The following DNAJB2 variants were observed in gnomAD, a reference collection of about 807,000 sequenced individuals.
DNAJB2 encodes DnaJ heat shock protein family (Hsp40) member B2.
Under a neutral mutation model 33.3 loss-of-function variants are expected in DNAJB2, and 19 were observed. That is an observed-to-expected ratio of 0.57 (90% CI 0.40 to 0.84). The LOEUF (loss-of-function observed/expected upper bound fraction) is 0.84. Ranked by LOEUF, DNAJB2 falls within the 40% of genes least tolerant of loss-of-function variation. The probability of loss-of-function intolerance (pLI) is 0.00; values close to 1 mark genes in which losing one functional copy is unlikely to be tolerated. For synonymous variants in DNAJB2, 172 were observed against 164.6 expected (o/e 1.04, Z -0.34); for missense variants, 368 against 430.9 (o/e 0.85, Z 1.29).
At position 219,285,400 on chromosome 2, in the gene DNAJB2, C is replaced by T. The variant is rs1048548735; in HGVS notation, c.*413C>T. On this transcript the variant is annotated 3_prime_UTR_variant, in exon 9 of 9. Coordinates refer to ENST00000336576, the MANE Select transcript of DNAJB2 (RefSeq NM_006736.6). ...CCGGCAGCTCCACTGGAGAGCAGTG[C>T]AGGCAGAGTGGAGCCTCCTGCTCTC... is the stretch of plus-strand genomic sequence containing the variant. The T allele has an allele frequency of 2.2e-5, 22 of 1,011,544 alleles. No homozygotes were observed. Among genetic ancestry groups the T allele is most frequent in the Non-Finnish European group, 2.6e-5 (22 of 846,798 alleles). 62.7% of individuals were successfully genotyped at this position (1,011,544 alleles called of 1,614,324 possible).
intron 3 of DNAJB2, chr2:219,281,106 C>A: frequency 5.1e-6 from 1 of 197,054 alleles, no homozygotes; most frequent in Admixed American, 5.3e-5. Flanking sequence ...TTTATTGATT[C>A]ATTCGAAAAG....
In DNAJB2 at chr2:219,281,936, C is replaced by T. The variant is rs1951908553; in HGVS notation, c.230-3C>T. On this transcript the variant is annotated splice_polypyrimidine_tract_variant and splice_region_variant and intron_variant, in intron 4 of 8. Coordinates refer to ENST00000336576, the MANE Select transcript of DNAJB2 (RefSeq NM_006736.6). ...AAGCTCTCTCCTCATCCTGCCTTTC[C>T]AGGAACTGGCCCATCTCGGGCAGAA... is the stretch of plus-strand genomic sequence containing the variant. The T allele has an allele frequency of 3.1e-6, 5 of 1,613,890 alleles. No homozygotes were observed. The highest frequency in any genetic ancestry group is 4.2e-6 in the Non-Finnish European group (5 of 1,179,970).
rs1448401753 is a variant in DNAJB2, at chr2:219,285,177, T to C, written c.*190T>C. The C allele has an allele frequency of 1.1e-5, 14 of 1,282,658 alleles. No homozygotes were observed. The highest frequency in any genetic ancestry group is 1.5e-5 in the African/African-American group (1 of 66,856). The allele number at this position is 1,282,658 out of a possible 1,614,324, so 79.5% of individuals were successfully genotyped here. A position where few individuals can be genotyped will look rare whatever the true frequency, so the allele number is the denominator to read the frequency against. Reference sequence around the variant, plus strand: ...TTTGCTGTGCTCAGCCCAGGGCTGATAGGTCCCTGGTGAAGCCCAGGGTGG... The same window carrying C: ...TTTGCTGTGCTCAGCCCAGGGCTGACAGGTCCCTGGTGAAGCCCAGGGTGG... On this transcript the variant is annotated 3_prime_UTR_variant, in exon 9 of 9. Transcript: ENST00000336576.
intron 7 of DNAJB2, 92 bp downstream of exon 7, chr2:219,283,327 G>A: frequency 6.2e-7 from 1 of 1,606,270 alleles, no homozygotes; most frequent in South Asian, 1.1e-5. Flanking sequence ...GCAGGGCCCA[G>A]TCTGCGCTCT....
rs1559285950 is a variant in DNAJB2 at position 219,281,641 on chromosome 2, C to T, written c.176-77C>T. On this transcript the variant is annotated intron_variant, in intron 3 of 8. Transcript: ENST00000336576. Reference sequence around the variant, plus strand: ...AAGTGTCAGAGTGTCAGTCTCTGGACAATCCTTTGAACGTCCTAGCCTGGG... The same window carrying T: ...AAGTGTCAGAGTGTCAGTCTCTGGATAATCCTTTGAACGTCCTAGCCTGGG... 4 of 1,595,078 alleles carry T rather than the reference C, an allele frequency of 2.5e-6. No individual in the cohort carries two copies. The Admixed American group carries it at 6.7e-5, about 27-fold the overall frequency.
At chr2:219,281,838 G>A in intron 4 of DNAJB2, 67 bp downstream of exon 4, 2 of 1,612,688 alleles carry the variant, frequency 1.2e-6, no homozygotes, top group Non-Finnish European at 1.7e-6. Context: ...GCAGATTCTT[G>A]CAATGGAGGC....
Position 219,286,340 on chromosome 2 carries a change from G to A in DNAJB2, c.*1353G>A, listed in dbSNP as rs1254993984. On this transcript the variant is annotated 3_prime_UTR_variant, in exon 9 of 9. Coordinates refer to ENST00000336576, the MANE Select transcript of DNAJB2 (RefSeq NM_006736.6). ...GTCGGCTTGTCACTCGCTGTGAGATGGGGAGATTTTGTCTTTTGATTTATC... is the reference window on the plus strand; with the variant it reads ...GTCGGCTTGTCACTCGCTGTGAGATAGGGAGATTTTGTCTTTTGATTTATC... 4.2e-5 allele frequency: 13 copies of A among 309,520 alleles called. No homozygotes were observed. The highest frequency in any genetic ancestry group is 8.4e-5 in the Admixed American group (2 of 23,936). The allele number at this position is 309,520 out of a possible 1,614,324, so 19.2% of individuals were successfully genotyped here.
chr2:219,282,263 C>G (rs966254379), intron 5 of DNAJB2: 1 of 658,638 alleles, frequency 1.5e-6, no homozygotes, highest in African/African-American at 1.8e-5. Flanking sequence ...TGACACTTCA[C>G]AGACTCACCT....
chr2:219,281,640 A>G (rs1261259305), intron 3 of DNAJB2, 78 bp from the exon 4 acceptor site: 1 of 1,595,556 alleles, frequency 6.3e-7, no homozygotes, highest in African/African-American at 1.3e-5. Flanking sequence ...CAGTCTCTGG[A>G]CAATCCTTTG....
At position 219,284,962 on chromosome 2, in the gene DNAJB2, A is replaced by G; in HGVS notation, c.950A>G (p.Lys317Arg). 6.5e-7 allele frequency: 1 copy of G among 1,531,366 alleles called. No homozygotes were observed. The highest frequency in any genetic ancestry group is 8.8e-7 in the Non-Finnish European group (1 of 1,134,996). The allele number at this position is 1,531,366 out of a possible 1,614,324, so 94.9% of individuals were successfully genotyped here. Residue 317 changes from lysine to arginine, a missense_variant, in exon 9 of 9, where the codon AAG becomes AGG. Transcript: ENST00000336576. ...ATKRSPSPEEKASRCLIL is the reference protein window; with the variant it reads ...ATKRSPSPEERASRCLIL Reference sequence around the variant, plus strand: ...AAACGCAGTCCATCCCCAGAGGAGAAGGCCTCTCGCTGCCTCATCCTCTGA... The same window carrying G: ...AAACGCAGTCCATCCCCAGAGGAGAGGGCCTCTCGCTGCCTCATCCTCTGA...
intron 8 of DNAJB2, among the ~76,000 whole-genome samples, chr2:219,284,130 C>T (rs1951931693): frequency 6.6e-6 from 1 of 152,130 alleles, no homozygotes; most frequent in Non-Finnish European, 1.5e-5. Context: ...CAGGGTCGTG[C>T]TCAGCCCAGC....
rs1182807273 is a variant in DNAJB2 at position 219,285,219 on chromosome 2, G to A, written c.*232G>A. ...CCAGGGTGGGGGGTGTCAGGGCAGT[G>A]GAGGGGCCCGAGGAGCCAGGTTGCA... On this transcript the variant is annotated 3_prime_UTR_variant, in exon 9 of 9. Coordinates refer to ENST00000336576, the MANE Select transcript of DNAJB2 (RefSeq NM_006736.6). 1.6e-6 allele frequency: 2 copies of A among 1,234,844 alleles called. No individual in the cohort carries two copies. Among genetic ancestry groups the A allele is most frequent in the Non-Finnish European group, 2.0e-6 (2 of 988,072 alleles). 76.5% of individuals were successfully genotyped at this position (1,234,844 alleles called of 1,614,324 possible).
At chr2:219,283,007 T>A (rs1335299793) in intron 6 of DNAJB2, 78 bp downstream of exon 6, 2 of 1,567,492 alleles carry the variant, frequency 1.3e-6, no homozygotes, top group African/African-American at 2.7e-5. Context: ...TTTCCAAGCC[T>A]GTCTCCTGTG....
In DNAJB2 at chr2:219,286,375, C is replaced by T. The variant is rs1574903362; in HGVS notation, c.*1388C>T. The T allele has an allele frequency of 4.5e-6, 1 of 224,384 alleles. No homozygotes were observed. The highest frequency in any genetic ancestry group is 9.8e-5 in the East Asian group (1 of 10,172). 13.9% of individuals were successfully genotyped at this position (224,384 alleles called of 1,614,324 possible). ...TGTCTTTTGATTTATCCCTGTAGGG[C>T]TGGCAGGGTTGTAGATGAAGGGGGA... On this transcript the variant is annotated 3_prime_UTR_variant, in exon 9 of 9. Coordinates refer to ENST00000336576, the MANE Select transcript of DNAJB2 (RefSeq NM_006736.6).
At position 219,285,277 on chromosome 2, in the gene DNAJB2, T is replaced by C; in HGVS notation, c.*290T>C. On this transcript the variant is annotated 3_prime_UTR_variant, in exon 9 of 9. Coordinates refer to ENST00000336576, the MANE Select transcript of DNAJB2 (RefSeq NM_006736.6). ...GATGGGGAGCTCCAAGGGGCATTAGTGGTTTGGGCTGGGCCTTTTGTGCCC... is the reference window on the plus strand; with the variant it reads ...GATGGGGAGCTCCAAGGGGCATTAGCGGTTTGGGCTGGGCCTTTTGTGCCC... 1 of 1,127,682 alleles carries C rather than the reference T, an allele frequency of 8.9e-7. No individual in the cohort carries two copies. The highest frequency in any genetic ancestry group is 1.1e-6 in the Non-Finnish European group (1 of 920,378). The allele number at this position is 1,127,682 out of a possible 1,614,324, so 69.9% of individuals were successfully genotyped here.
rs373945499 is a variant in DNAJB2 at position 219,283,390 on chromosome 2, C to G, written c.549-29C>G. 24 of 1,612,062 alleles carry G rather than the reference C, an allele frequency of 1.5e-5. 1 individual carries two copies. The highest frequency in any genetic ancestry group is 1.2e-4 in the South Asian group (11 of 90,766). On this transcript the variant is annotated intron_variant, in intron 7 of 8. Transcript: ENST00000336576. ...GCGCCTGCAGGATTCTGTCACTGCTCGTTGCCTGAACTGTGCTGTCTCCCA... is the reference window on the plus strand; with the variant it reads ...GCGCCTGCAGGATTCTGTCACTGCTGGTTGCCTGAACTGTGCTGTCTCCCA...
intron 8 of DNAJB2, among the ~76,000 whole-genome samples, chr2:219,284,099 C>G (rs911188966): frequency 1.3e-5 from 2 of 152,020 alleles, no homozygotes; most frequent in Non-Finnish European, 2.9e-5. Flanking sequence ...TTCCCATTTT[C>G]TTTTTTTTCT....
At chr2:219,281,342 C>T (rs6730173) in intron 3 of DNAJB2, 58 of 227,798 alleles carry the variant, frequency 2.5e-4, no homozygotes, top group African/African-American at 1.3e-3. Context: ...TGTAGAAGGC[C>T]TCTCCGAGAA....
chr2:219,285,228 C>T lies in DNAJB2; in HGVS notation c.*241C>T, dbSNP rs1055008570. Reference sequence around the variant, plus strand: ...GGGGTGTCAGGGCAGTGGAGGGGCCCGAGGAGCCAGGTTGCATTTATTGGA... The same window carrying T: ...GGGGTGTCAGGGCAGTGGAGGGGCCTGAGGAGCCAGGTTGCATTTATTGGA... On this transcript the variant is annotated 3_prime_UTR_variant, in exon 9 of 9. Transcript: ENST00000336576. 9 of 1,220,312 alleles carry T rather than the reference C, an allele frequency of 7.4e-6. No individual in the cohort carries two copies. The highest frequency in any genetic ancestry group is 4.0e-5 in the Admixed American group (1 of 25,198). 75.6% of individuals were successfully genotyped at this position (1,220,312 alleles called of 1,614,324 possible).
Sources: gnomAD v4.1 joint callset for allele counts (sites outside exome capture counted in the v4.1 genomes callset) on GRCh38, gnomAD v4.1.1 for gene constraint, MANE v1.5 for transcripts, NCBI Gene and HGNC (gene_info 2026-07-23, HGNC 2026-07-21) for gene names.